Variants in IDO2 observed in about 807,000 individuals in gnomAD.
The protein encoded by IDO2 is indoleamine 2,3-dioxygenase-like 1 protein.
In IDO2, 46 loss-of-function variants were observed where a neutral mutation model predicts 45.1. The observed-to-expected ratio is 1.02, with a 90% CI of 0.80 to 1.30. The LOEUF (loss-of-function observed/expected upper bound fraction) is 1.30. Among genes scored for constraint, IDO2 ranks in the 50% most tolerant of loss-of-function variants. IDO2 has a pLI of 0.00. For missense variants in IDO2, 544 were observed against 491.8 expected (o/e 1.11, Z -1.00); for synonymous variants, 218 against 184.9 (o/e 1.18, Z -1.45).
At chr8:39,985,400 C>T in intron 5 of IDO2, 108 bp from the exon 6 acceptor site, 1 of 942,640 alleles carries the variant, frequency 1.1e-6, no homozygotes, top group South Asian at 1.5e-5. Flanking sequence ...GTGTGCATGC[C>T]TGTGGACATG....
intron 8 of IDO2, among the ~76,000 whole-genome samples, chr8:39,999,286 T>A (rs1277167368): frequency 6.9e-6 from 1 of 144,808 alleles, no homozygotes; most frequent in African/African-American, 2.6e-5. Flanking sequence ...CTTTTTTTTT[T>A]TTTTTTTTTT....
intron 5 of IDO2, 198 bp from the exon 6 acceptor site, chr8:39,985,310 A>G (rs1031807505): frequency 6.0e-5 from 36 of 597,418 alleles, no homozygotes; most frequent in Non-Finnish European, 9.6e-5. Flanking sequence ...TTTATCACAT[A>G]GCACCCCATA....
At chr8:39,966,891 T>C (rs1808092696) in intron 3 of IDO2, among the ~76,000 whole-genome samples, 1 of 152,202 alleles carries the variant, frequency 6.6e-6, no homozygotes, top group South Asian at 2.1e-4. Flanking sequence ...CCACTTGGCA[T>C]TCAGGACCAA....
intron 8 of IDO2, among the ~76,000 whole-genome samples, chr8:39,990,944 A>G (rs1291069881): frequency 6.6e-6 from 1 of 152,120 alleles, no homozygotes; most frequent in Non-Finnish European, 1.5e-5. Context: ...AGGATGTGAG[A>G]GAGGGGTGTG....
At chr8:39,951,291 T>TTTTTTC (rs397951465) in intron 2 of IDO2, among the ~76,000 whole-genome samples, 3 of 144,462 alleles carry the variant, frequency 2.1e-5, no homozygotes, top group Non-Finnish European at 4.6e-5. Context: ...TTTTTTTTTT[T>TTTTTTC]CTGAGATAGA....
intron 8 of IDO2, among the ~76,000 whole-genome samples, chr8:39,992,465 G>A (rs1410667796): frequency 2.6e-5 from 4 of 152,164 alleles, no homozygotes; most frequent in Admixed American, 6.5e-5. Flanking sequence ...AGCCACTGTG[G>A]AGCAGAGTCA....
intron 8 of IDO2, among the ~76,000 whole-genome samples, chr8:39,991,068 G>A (rs1304081129): frequency 6.6e-6 from 1 of 152,118 alleles, no homozygotes; most frequent in Non-Finnish European, 1.5e-5. Flanking sequence ...AGGACTGGAG[G>A]GAGGGAGAAA....
At chr8:39,962,983 A>T (rs546982233) in intron 2 of IDO2, among the ~76,000 whole-genome samples, 1 of 152,388 alleles carries the variant, frequency 6.6e-6, no homozygotes, top group South Asian at 2.1e-4. Context: ...CACGGGTTTC[A>T]TCTGGGACCA....
intron 8 of IDO2, among the ~76,000 whole-genome samples, chr8:40,004,458 G>T (rs1343189912): frequency 6.6e-6 from 1 of 152,164 alleles, no homozygotes; most frequent in East Asian, 1.9e-4. Context: ...TACATAGATA[G>T]ATAGATGATA....
intron 1 of IDO2, among the ~76,000 whole-genome samples, chr8:39,944,276 T>A (rs200562678): frequency 6.6e-6 from 1 of 151,770 alleles, no homozygotes; most frequent in African/African-American, 2.4e-5. Flanking sequence ...AAGGATCCAC[T>A]TTGGGATTAC....
At chr8:40,015,209 T>G (rs1317641180) in intron 10 of IDO2, 38 bp from the exon 11 acceptor site, 2 of 1,160,558 alleles carry the variant, frequency 1.7e-6, no homozygotes, top group Non-Finnish European at 2.5e-6. Context: ...TATATTTCCA[T>G]GTGGAGCTAT....
chr8:40,005,385 A>C lies in IDO2; in HGVS notation c.719+7A>C. The C allele has an allele frequency of 1.3e-6, 2 of 1,545,560 alleles. No individual in the cohort carries two copies. The highest frequency in any genetic ancestry group is 1.8e-6 in the Non-Finnish European group (2 of 1,133,614). On this transcript the variant is annotated splice_region_variant and intron_variant, in intron 9 of 10. Transcript: ENST00000502986. ...TCCGGATCTTTCTCTCTGGGTAAGT[A>C]TAGTTCAGTTGTTTTCCTGTGTGAA...
intron 3 of IDO2, among the ~76,000 whole-genome samples, chr8:39,975,007 G>T: frequency 6.6e-6 from 1 of 152,032 alleles, no homozygotes; most frequent in Non-Finnish European, 1.5e-5. Context: ...TACTTGGGAG[G>T]CTGAGGCAGG....
At chr8:40,006,043 C>CGT (rs1275753203) in intron 9 of IDO2, among the ~76,000 whole-genome samples, 2 of 152,154 alleles carry the variant, frequency 1.3e-5, no homozygotes, top group Non-Finnish European at 2.9e-5. Context: ...TTACCTTGGA[C>CGT]GTGGAGACCA....
intron 1 of IDO2, among the ~76,000 whole-genome samples, chr8:39,938,273 T>C (rs1438736753): frequency 8.1e-6 from 1 of 124,106 alleles, no homozygotes; most frequent in Non-Finnish European, 1.6e-5. Flanking sequence ...TGAGACTCTA[T>C]CTCTACAAAA....
At chr8:39,990,948 G>A (rs186788794) in intron 8 of IDO2, among the ~76,000 whole-genome samples, 1 of 152,254 alleles carries the variant, frequency 6.6e-6, no homozygotes, top group African/African-American at 2.4e-5. Context: ...TGTGAGAGAG[G>A]GGTGTGGTTT....
At chr8:39,937,343 T>C (rs1282446747) in intron 1 of IDO2, among the ~76,000 whole-genome samples, 3 of 152,190 alleles carry the variant, frequency 2.0e-5, no homozygotes, top group Non-Finnish European at 4.4e-5. Context: ...AATTGCAGTG[T>C]CTTTCATCTC....
At chr8:39,976,698 A>C (rs796841839) in intron 3 of IDO2, among the ~76,000 whole-genome samples, 15 of 152,334 alleles carry the variant, frequency 9.8e-5, no homozygotes, top group African/African-American at 3.1e-4. Flanking sequence ...TTTTGCTTTT[A>C]GAGGGAAAAT....
chr8:39,972,738 C>A (rs1031183329), intron 3 of IDO2, among the ~76,000 whole-genome samples: 1 of 148,842 alleles, frequency 6.7e-6, no homozygotes, highest in African/African-American at 2.5e-5. Context: ...GCCTTGTTTT[C>A]TTAAGCCACC....
Sources: allele counts gnomAD v4.1 joint callset (sites outside exome capture counted in the v4.1 genomes callset), GRCh38; gene constraint gnomAD v4.1.1; transcripts MANE v1.5; gene names NCBI Gene and HGNC (gene_info 2026-07-23, HGNC 2026-07-21).